Variants in LDAH observed in about 807,000 individuals in gnomAD.
LDAH encodes lipid droplet associated hydrolase.
Under a neutral mutation model 29.6 loss-of-function variants are expected in LDAH, and 26 were observed. The observed-to-expected ratio is 0.88, with a 90% CI of 0.64 to 1.22. The LOEUF is 1.22. LDAH is among the 50% of genes most tolerant of loss of function. The pLI is 0.00. For missense variants in LDAH, 344 were observed against 387.3 expected (o/e 0.89, Z 0.94); for synonymous variants, 117 against 133.0 (o/e 0.88, Z 0.83).
intron 3 of LDAH, among the ~76,000 whole-genome samples, chr2:20,784,480 T>C (rs868265933): frequency 1.3e-5 from 2 of 152,180 alleles, no homozygotes; most frequent in South Asian, 4.1e-4. Context: ...TTCTTCTTTG[T>C]TATACTTGTT....
intron 5 of LDAH, among the ~76,000 whole-genome samples, chr2:20,729,394 A>T (rs903396457): frequency 6.6e-6 from 1 of 152,258 alleles, no homozygotes; most frequent in African/African-American, 2.4e-5. Flanking sequence ...ATAATTTGTC[A>T]TAGCTAGACT....
Position 20,740,168 on chromosome 2 carries a change from C to G in LDAH, c.506G>C (p.Arg169Pro), listed in dbSNP as rs148350771. ...RAFLLFPTIE[R>P]MSESPNGRIA... The stretch of plus-strand genomic sequence containing the variant: ...TCTGCCATTGGGTGACTCAGACATT[C>G]GTTCAATTGTTGGAAAGAGCAGAAA... Residue 169 changes from arginine to proline, a missense_variant, in exon 5 of 7, where the codon CGA (arginine) becomes CCA (proline). By Grantham distance (103) the Arg-to-Pro change is moderately radical. Transcript: ENST00000237822. 6.2e-7 allele frequency: 1 copy of G among 1,613,872 alleles called. No homozygotes were observed. The highest frequency in any genetic ancestry group is 1.3e-5 in the African/African-American group (1 of 74,890).
At chr2:20,783,286 T>C (rs1558474471) in intron 3 of LDAH, among the ~76,000 whole-genome samples, 1 of 152,224 alleles carries the variant, frequency 6.6e-6, no homozygotes, top group African/African-American at 2.4e-5. Flanking sequence ...GAAGACTATG[T>C]TGTTAGATGA....
intron 4 of LDAH, among the ~76,000 whole-genome samples, chr2:20,765,509 C>T (rs1020290760): frequency 6.6e-6 from 1 of 152,222 alleles, no homozygotes; most frequent in African/African-American, 2.4e-5. Flanking sequence ...TATAACATAG[C>T]ATCTCTAGAC....
chr2:20,752,780 A>T (rs1413769999), intron 4 of LDAH, among the ~76,000 whole-genome samples: 1 of 152,216 alleles, frequency 6.6e-6, no homozygotes, highest in Non-Finnish European at 1.5e-5. Flanking sequence ...CACTGTGTCA[A>T]GAAGCTCTAG....
intron 5 of LDAH, among the ~76,000 whole-genome samples, chr2:20,731,212 G>A (rs755540476): frequency 8.5e-5 from 13 of 152,190 alleles, no homozygotes; most frequent in Non-Finnish European, 1.8e-4. Flanking sequence ...CAATGTTGGA[G>A]GTGGGACCTG....
At chr2:20,791,490 G>A (rs1228240097) in intron 2 of LDAH, among the ~76,000 whole-genome samples, 3 of 152,206 alleles carry the variant, frequency 2.0e-5, no homozygotes, top group Admixed American at 1.3e-4. Flanking sequence ...TACAACGGCC[G>A]TAGCATCCAT....
rs556808114 is a variant in LDAH at position 20,817,914 on chromosome 2, G to A, written c.-3+5123C>T. 3.3e-5 allele frequency among the ~76,000 whole-genome samples: 5 copies of A among 152,258 alleles called. No homozygotes were observed. In the East Asian group the frequency reaches 7.7e-4, roughly 23 times the overall value. On this transcript the variant is annotated intron_variant, in intron 1 of 6. Coordinates refer to ENST00000237822, the MANE Select transcript of LDAH (RefSeq NM_021925.4). ...TCCATCTACACAATATCCTTGAAATGACAAAATTATAGAGATAGAGCAGTG... is the reference window on the plus strand; with the variant it reads ...TCCATCTACACAATATCCTTGAAATAACAAAATTATAGAGATAGAGCAGTG...
chr2:20,690,777 T>A (rs1572400505), intron 6 of LDAH, among the ~76,000 whole-genome samples: 1 of 152,110 alleles, frequency 6.6e-6, no homozygotes, highest in East Asian at 1.9e-4. Context: ...GCATACTCTT[T>A]ATTTATCGGT....
At chr2:20,798,303 C>T (rs1223652556) in intron 2 of LDAH, among the ~76,000 whole-genome samples, 1 of 152,120 alleles carries the variant, frequency 6.6e-6, no homozygotes, top group East Asian at 1.9e-4. Flanking sequence ...CCCAGGATGG[C>T]AACTGTGCAG....
chr2:20,775,671 T>C (rs550551918), intron 3 of LDAH, among the ~76,000 whole-genome samples: 4 of 152,220 alleles, frequency 2.6e-5, no homozygotes, highest in Admixed American at 6.5e-5. Flanking sequence ...AGTCCTGACC[T>C]GAAATATCCT....
intron 5 of LDAH, among the ~76,000 whole-genome samples, chr2:20,709,697 G>A (rs1664567956): frequency 6.6e-6 from 1 of 152,148 alleles, no homozygotes; most frequent in African/African-American, 2.4e-5. Context: ...ACTTGTACAT[G>A]AGTGTTTACA....
intron 4 of LDAH, among the ~76,000 whole-genome samples, chr2:20,743,532 G>A (rs1266777894): frequency 1.3e-5 from 2 of 152,020 alleles, no homozygotes; most frequent in Non-Finnish European, 2.9e-5. Context: ...TCACTTATAT[G>A]TAAGCATACA....
intron 4 of LDAH, among the ~76,000 whole-genome samples, chr2:20,767,306 C>T (rs1669108666): frequency 6.6e-6 from 1 of 151,830 alleles, no homozygotes; most frequent in South Asian, 2.1e-4. Flanking sequence ...CCTCCCTTGC[C>T]CTTGAAGGCT....
intron 5 of LDAH, among the ~76,000 whole-genome samples, chr2:20,727,041 C>T (rs993299294): frequency 1.2e-4 from 19 of 152,252 alleles, no homozygotes; most frequent in African/African-American, 4.6e-4. Flanking sequence ...AAACCTTTTC[C>T]TTCATTCCTG....
chr2:20,726,620 C>T (rs905804866), intron 5 of LDAH, among the ~76,000 whole-genome samples: 3 of 152,184 alleles, frequency 2.0e-5, no homozygotes, highest in Non-Finnish European at 2.9e-5. Flanking sequence ...TCCAATGGTG[C>T]CAAGTTGCAA....
intron 1 of LDAH, among the ~76,000 whole-genome samples, chr2:20,809,406 A>G (rs944803573): frequency 2.1e-4 from 32 of 152,126 alleles, no homozygotes; most frequent in Non-Finnish European, 3.2e-4. Flanking sequence ...TCAAAAAAAA[A>G]GGAAAAGACT....
At chr2:20,718,423 C>A (rs1401580891) in intron 5 of LDAH, among the ~76,000 whole-genome samples, 1 of 151,722 alleles carries the variant, frequency 6.6e-6, no homozygotes, top group Non-Finnish European at 1.5e-5. Flanking sequence ...ACAAAAAAGG[C>A]CATTATATAA....
At chr2:20,713,036 G>A (rs889547837) in intron 5 of LDAH, among the ~76,000 whole-genome samples, 15 of 152,054 alleles carry the variant, frequency 9.9e-5, no homozygotes, top group Admixed American at 9.2e-4. Context: ...GAAATACAGA[G>A]AACACCACAA....
Sources: allele counts gnomAD v4.1 joint callset (sites outside exome capture counted in the v4.1 genomes callset), GRCh38; gene constraint gnomAD v4.1.1; transcripts MANE v1.5; gene names NCBI Gene and HGNC (gene_info 2026-07-23, HGNC 2026-07-21).